The following MAML2 variants were observed in gnomAD, a reference collection of about 807,000 sequenced individuals.
MAML2 encodes the protein mastermind like transcriptional coactivator 2.
A neutral mutation model predicts 96.1 loss-of-function variants in MAML2; 22 were observed. The observed-to-expected ratio is 0.23, with a 90% CI of 0.16 to 0.33. The LOEUF (loss-of-function observed/expected upper bound fraction) is 0.33, where lower values mean the gene tolerates loss of function less well. MAML2 is among the 10% of genes least tolerant of loss of function. The pLI is 1.00. For missense variants in MAML2, 1,367 were observed against 1,392.4 expected, an observed-to-expected ratio of 0.98 and a Z score of 0.29; for synonymous variants, 561 against 521.3, an observed-to-expected ratio of 1.08 and a Z score of -1.04.
intron 1 of MAML2, among the ~76,000 whole-genome samples, chr11:96,111,588 A>G (rs143126155): frequency 2.9e-3 from 435 of 152,354 alleles, no homozygotes; most frequent in African/African-American, 9.8e-3. Flanking sequence ...GAAATGGCAC[A>G]TCTTTATTGG....
chr11:96,221,268 A>C (rs1022030528), intron 1 of MAML2, among the ~76,000 whole-genome samples: 2 of 152,174 alleles, frequency 1.3e-5, no homozygotes, highest in Non-Finnish European at 2.9e-5. Flanking sequence ...ACCACAGAGA[A>C]GGACATGTTC....
intron 1 of MAML2, among the ~76,000 whole-genome samples, chr11:96,310,743 C>A (rs1298050833): frequency 6.6e-6 from 1 of 152,170 alleles, no homozygotes; most frequent in Non-Finnish European, 1.5e-5. Context: ...CTCTCTGAGC[C>A]TCAGTCTCCC....
intron 2 of MAML2, among the ~76,000 whole-genome samples, chr11:96,001,079 C>T (rs982212013): frequency 1.3e-5 from 2 of 152,200 alleles, no homozygotes; most frequent in Non-Finnish European, 1.5e-5. Flanking sequence ...AGAGAAACCC[C>T]AATCATATGT....
At chr11:96,162,152 C>G (rs1235107009) in intron 1 of MAML2, among the ~76,000 whole-genome samples, 1 of 139,384 alleles carries the variant, frequency 7.2e-6, no homozygotes, top group African/African-American at 2.6e-5. Flanking sequence ...GAAGCATTCT[C>G]TTAATTTTAC....
At chr11:96,214,180 GAAT>G (rs1316708317) in intron 1 of MAML2, among the ~76,000 whole-genome samples, 12 of 152,176 alleles carry the variant, frequency 7.9e-5, no homozygotes, top group African/African-American at 2.9e-4. Flanking sequence ...TTTAACAGTT[GAAT>G]AATAAAAAAT....
intron 4 of MAML2, among the ~76,000 whole-genome samples, chr11:95,982,233 A>G (rs1343531287): frequency 1.3e-5 from 2 of 152,180 alleles, no homozygotes; most frequent in African/African-American, 4.8e-5. Flanking sequence ...TCCCTTAGAA[A>G]AACACCAATA....
chr11:96,044,222 G>A (rs569638), intron 2 of MAML2, among the ~76,000 whole-genome samples: 27,261 of 152,164 alleles, frequency 0.18, 3,001 homozygotes, highest in African/African-American at 0.3. Context: ...AGAGGGAGGC[G>A]TGCCTGGAAG....
intron 1 of MAML2, among the ~76,000 whole-genome samples, chr11:96,094,341 A>G (rs1394068360): frequency 2.0e-5 from 3 of 152,362 alleles, no homozygotes; most frequent in African/African-American, 7.2e-5. Context: ...ATGTGACCTC[A>G]GCAACTTACC....
intron 2 of MAML2, among the ~76,000 whole-genome samples, chr11:96,007,800 C>G (rs1449187522): frequency 6.8e-6 from 1 of 147,648 alleles, no homozygotes; most frequent in Admixed American, 7.0e-5. Context: ...ACCGCATATT[C>G]TCACTCATAG....
chr11:96,312,729 G>C (rs1863561313), intron 1 of MAML2, among the ~76,000 whole-genome samples: 1 of 152,106 alleles, frequency 6.6e-6, no homozygotes, highest in African/African-American at 2.4e-5. Context: ...CAAGTCTGTG[G>C]CATTAAGCAC....
At chr11:96,191,949 C>A (rs1221308508) in intron 1 of MAML2, among the ~76,000 whole-genome samples, 1 of 152,106 alleles carries the variant, frequency 6.6e-6, no homozygotes, top group Non-Finnish European at 1.5e-5. Flanking sequence ...GTGTTGAAAT[C>A]CAGCTGGAAG....
rs748811004 is a variant in MAML2, at chr11:96,092,847, T to C, written c.1184A>G (p.Asn395Ser). The C allele has an allele frequency of 1.4e-5, 22 of 1,607,888 alleles. No homozygotes were observed. Among genetic ancestry groups the C allele is most frequent in the East Asian group, 6.7e-5 (3 of 44,762 alleles). The change falls in exon 2 of 5, where the codon AAC becomes AGC. Residue 395 changes from asparagine to serine, a missense_variant. By Grantham distance (46) the Asn-to-Ser change is conservative. Coordinates refer to ENST00000524717, the MANE Select transcript of MAML2 (RefSeq NM_032427.4). The surrounding 1 kb of genome is among the most constrained non-coding windows in gnomAD (Gnocchi z 4.1). ...TGGAGACGAAGTGGAGAGGGCAGAGTTGGCCATGGAGAATGCGGGGCCAGC... is the reference window on the plus strand; with the variant it reads ...TGGAGACGAAGTGGAGAGGGCAGAGCTGGCCATGGAGAATGCGGGGCCAGC... ...PSAGPAFSMA[N>S]SALSTSSPIP...
At chr11:96,122,076 C>T (rs936844069) in intron 1 of MAML2, among the ~76,000 whole-genome samples, 1 of 147,608 alleles carries the variant, frequency 6.8e-6, no homozygotes, top group African/African-American at 2.5e-5. Flanking sequence ...TCCCAAAGTG[C>T]TCGGATTACA....
intron 1 of MAML2, among the ~76,000 whole-genome samples, chr11:96,133,588 T>C (rs1860579760): frequency 6.6e-6 from 1 of 152,198 alleles, no homozygotes; most frequent in Non-Finnish European, 1.5e-5. Context: ...TATTAAAATA[T>C]GGAATATTAA....
intron 2 of MAML2, among the ~76,000 whole-genome samples, chr11:96,087,088 T>G (rs1431609723): frequency 6.6e-6 from 1 of 152,202 alleles, no homozygotes; most frequent in Non-Finnish European, 1.5e-5. Context: ...GATTTGATCT[T>G]TCTGAGCATC....
chr11:96,047,930 A>AAAAAAAAAAAAAAAAAAG (rs1555001442), intron 2 of MAML2, among the ~76,000 whole-genome samples: 32 of 127,392 alleles, frequency 2.5e-4, no homozygotes, highest in East Asian at 4.9e-4. Flanking sequence ...AAAAAAAAAA[A>AAAAAAAAAAAAAAAAAAG]AAAAGAAAAA....
chr11:96,053,667 C>T (rs1014744689), intron 2 of MAML2, among the ~76,000 whole-genome samples: 1 of 152,092 alleles, frequency 6.6e-6, no homozygotes, highest in Non-Finnish European at 1.5e-5. Flanking sequence ...GGAGAAAACA[C>T]TATCAAATTT....
chr11:96,251,260 T>C (rs1256658846), intron 1 of MAML2, among the ~76,000 whole-genome samples: 1 of 152,204 alleles, frequency 6.6e-6, no homozygotes, highest in Non-Finnish European at 1.5e-5. Flanking sequence ...CCTAGAATTT[T>C]CATGGAGGTA....
chr11:96,124,287 TA>T (rs1405092032), intron 1 of MAML2, among the ~76,000 whole-genome samples: 3 of 152,118 alleles, frequency 2.0e-5, no homozygotes, highest in African/African-American at 7.2e-5. Flanking sequence ...AAGTGGGAGA[TA>T]GGCATGAATA....
Sources: gnomAD v4.1 joint callset for allele counts (sites outside exome capture counted in the v4.1 genomes callset) on GRCh38, gnomAD v4.1.1 for gene constraint, Gnocchi (gnomAD v3.1) non-coding constraint, MANE v1.5 for transcripts, NCBI Gene and HGNC (gene_info 2026-07-23, HGNC 2026-07-21) for gene names.